Variants in HIVEP3 observed in about 807,000 individuals in gnomAD.
HIVEP3 encodes transcription factor HIVEP3.
Under a neutral mutation model 152.8 loss-of-function variants are expected in HIVEP3, and 49 were observed. That is an observed-to-expected ratio of 0.32 (90% CI 0.26 to 0.41). The LOEUF (loss-of-function observed/expected upper bound fraction) is 0.41. Ranked by LOEUF, HIVEP3 falls within the 10% of genes least tolerant of loss-of-function variation. HIVEP3 has a pLI of 1.00. For missense variants in HIVEP3, 2,790 were observed against 3,103.3 expected, an observed-to-expected ratio of 0.90 and a Z score of 2.40; for synonymous variants, 1,269 against 1,289.0, an observed-to-expected ratio of 0.98 and a Z score of 0.33.
chr1:41,805,870 T>G (rs1429860417), intron 1 of HIVEP3, among the ~76,000 whole-genome samples: 5 of 152,184 alleles, frequency 3.3e-5, no homozygotes, highest in African/African-American at 1.2e-4. Context: ...CAGGCCACCT[T>G]ACGCCTTGTG....
intron 1 of HIVEP3, among the ~76,000 whole-genome samples, chr1:41,772,982 T>G (rs1276937848): frequency 6.6e-6 from 1 of 152,224 alleles, no homozygotes; most frequent in Non-Finnish European, 1.5e-5. Context: ...GAACACTGTA[T>G]GTGCACTGCA....
intron 2 of HIVEP3, among the ~76,000 whole-genome samples, chr1:41,698,188 C>T (rs933096475): frequency 1.3e-5 from 2 of 152,244 alleles, no homozygotes; most frequent in South Asian, 4.1e-4. Context: ...CCTTATGATG[C>T]CCACCCTACT....
intron 2 of HIVEP3, among the ~76,000 whole-genome samples, chr1:41,700,672 T>C (rs1233588462): frequency 6.6e-6 from 1 of 152,182 alleles, no homozygotes; most frequent in East Asian, 1.9e-4. Flanking sequence ...GTCAGAAGCA[T>C]TTCCCTTGGC....
intron 5 of HIVEP3, among the ~76,000 whole-genome samples, chr1:41,550,626 T>C (rs1643884485): frequency 6.6e-6 from 1 of 152,220 alleles, no homozygotes; most frequent in Non-Finnish European, 1.5e-5. Flanking sequence ...TATTTTATTC[T>C]CTTTGTAGCA....
intron 1 of HIVEP3, among the ~76,000 whole-genome samples, chr1:41,755,847 A>G (rs1209657759): frequency 6.6e-6 from 1 of 152,214 alleles, no homozygotes; most frequent in African/African-American, 2.4e-5. Context: ...GAATGCGGAG[A>G]AATTGCATCC....
chr1:41,638,668 C>T (rs1645325015), intron 2 of HIVEP3, among the ~76,000 whole-genome samples: 1 of 152,210 alleles, frequency 6.6e-6, no homozygotes, highest in East Asian at 1.9e-4. Flanking sequence ...GTGGCACCCA[C>T]CCAGGGCAGG....
At chr1:41,669,185 G>C (rs1645838488) in intron 2 of HIVEP3, among the ~76,000 whole-genome samples, 2 of 152,180 alleles carry the variant, frequency 1.3e-5, no homozygotes, top group Admixed American at 1.3e-4. Flanking sequence ...AGGGTCCTGG[G>C]CACCTGGCTG....
chr1:41,649,335 C>T (rs1366625779), intron 2 of HIVEP3, among the ~76,000 whole-genome samples: 2 of 152,232 alleles, frequency 1.3e-5, no homozygotes, highest in South Asian at 4.1e-4. Context: ...CTCCCACTGT[C>T]TGATTCTACA....
chr1:41,641,313 A>G (rs115223093), intron 2 of HIVEP3, among the ~76,000 whole-genome samples: 1,748 of 152,290 alleles, frequency 0.011, 41 homozygotes, highest in African/African-American at 0.04. Context: ...TGGAGGCAGA[A>G]TTGCTTTCTG....
chr1:41,526,922 C>T (rs976528915), intron 5 of HIVEP3, among the ~76,000 whole-genome samples: 1 of 146,870 alleles, frequency 6.8e-6, no homozygotes, highest in African/African-American at 2.5e-5. Context: ...TCCACACACA[C>T]CCTCACATGC....
At chr1:41,862,875 C>T (rs1234591360) in intron 1 of HIVEP3, among the ~76,000 whole-genome samples, 4 of 152,194 alleles carry the variant, frequency 2.6e-5, no homozygotes, top group Non-Finnish European at 2.9e-5. Context: ...CAGATATAGA[C>T]GGAAGATAAG....
At chr1:41,654,771 G>A (rs12745622) in intron 2 of HIVEP3, among the ~76,000 whole-genome samples, 5,588 of 152,202 alleles carry the variant, frequency 0.037, 155 homozygotes, top group East Asian at 0.086. Flanking sequence ...TCTACTGCAC[G>A]CAGGGAGGTA....
rs533784796 is a variant in HIVEP3 at position 41,692,401 on chromosome 1, TAGG to T, written c.-721+8512_-721+8514del. Among the ~76,000 whole-genome samples the T allele has an allele frequency of 5.9e-4, 90 of 152,340 alleles. No homozygotes were observed. In the Middle Eastern group the frequency reaches 0.014, roughly 23 times the overall value. ...GTGCCTTACAGAGGAAATGCCATGT[TAGG>T]TAAGCTTTGTTCAGAGAGGAGTTAT... On this transcript the variant is annotated intron_variant, in intron 2 of 8. Coordinates refer to ENST00000372583, the MANE Select transcript of HIVEP3 (RefSeq NM_024503.5).
chr1:41,726,593 T>C (rs942532954), intron 1 of HIVEP3, among the ~76,000 whole-genome samples: 2 of 152,176 alleles, frequency 1.3e-5, no homozygotes, highest in African/African-American at 4.8e-5. Flanking sequence ...GGAGTTGTGC[T>C]CTGGAGTCCA....
chr1:41,740,582 G>A (rs2124204708), intron 1 of HIVEP3, among the ~76,000 whole-genome samples: 1 of 152,328 alleles, frequency 6.6e-6, no homozygotes, highest in South Asian at 2.1e-4. Flanking sequence ...TGGCTCTGGG[G>A]CATGTGTCCT....
intron 1 of HIVEP3, among the ~76,000 whole-genome samples, chr1:41,745,235 G>A (rs992190782): frequency 1.3e-5 from 2 of 152,160 alleles, no homozygotes; most frequent in Admixed American, 6.5e-5. Context: ...CACTGGGCAG[G>A]TGGAGCACAG....
At chr1:41,679,841 C>T (rs1646011546) in intron 2 of HIVEP3, among the ~76,000 whole-genome samples, 1 of 152,240 alleles carries the variant, frequency 6.6e-6, no homozygotes, top group South Asian at 2.1e-4. Flanking sequence ...CTTGCCTCTA[C>T]TCGCTTGCCA....
rs528617269 is a variant in HIVEP3 at position 41,926,068 on chromosome 1, T to A, written n.120-7544A>T. ...GGATGAGTGGTGCAGAGCAACGAGA[T>A]AGAAGGATCCTATCCCTGGTGCTGC... On this transcript the variant is annotated intron_variant and non_coding_transcript_variant, in intron 1 of 3. Coordinates refer to the HIVEP3 transcript ENST00000489103. 5.9e-5 allele frequency among the ~76,000 whole-genome samples: 9 copies of A among 152,242 alleles called. No homozygotes were observed. In the South Asian group the frequency reaches 1.7e-3, roughly 28 times the overall value.
At chr1:42,032,068 AT>A (rs1302622436) in intron 1 of HIVEP3, among the ~76,000 whole-genome samples, 2 of 152,184 alleles carry the variant, frequency 1.3e-5, no homozygotes, top group Non-Finnish European at 2.9e-5. Context: ...TCCAGCACCT[AT>A]TTAACAGGTG....
Sources: allele counts gnomAD v4.1 joint callset (sites outside exome capture counted in the v4.1 genomes callset), GRCh38; gene constraint gnomAD v4.1.1; transcripts MANE v1.5; gene names NCBI Gene and HGNC (gene_info 2026-07-23, HGNC 2026-07-21).